The following RASAL2 variants were observed in gnomAD, a reference collection of about 807,000 sequenced individuals.
RASAL2 encodes the protein ras GTPase-activating protein nGAP.
RASAL2 carries 58 observed loss-of-function variants against 128.9 expected under a neutral mutation model. The observed-to-expected ratio is 0.45, with a 90% CI of 0.36 to 0.56. The LOEUF (loss-of-function observed/expected upper bound fraction) is 0.56, where lower values mean the gene tolerates loss of function less well. Among genes scored for constraint, RASAL2 ranks in the 20% least tolerant of loss-of-function variants. RASAL2 has a pLI of 0.00. For missense variants in RASAL2, 1,360 were observed against 1,601.6 expected, an observed-to-expected ratio of 0.85 and a Z score of 2.57; for synonymous variants, 561 against 580.8, an observed-to-expected ratio of 0.97 and a Z score of 0.49.
At chr1:178,386,688 T>C (rs1672592297) in intron 3 of RASAL2, among the ~76,000 whole-genome samples, 1 of 152,228 alleles carries the variant, frequency 6.6e-6, no homozygotes, top group Non-Finnish European at 1.5e-5. Flanking sequence ...TCTGAAACAA[T>C]ACTGTATCTC....
At chr1:178,122,837 CA>C (rs578112716) in intron 1 of RASAL2, among the ~76,000 whole-genome samples, 356 of 24,730 alleles carry the variant, frequency 0.014, 4 homozygotes, top group African/African-American at 0.048. Flanking sequence ...ACTTACTTTC[CA>C]TTTTTTTTTT....
intron 1 of RASAL2, among the ~76,000 whole-genome samples, chr1:178,120,196 T>A (rs1659663932): frequency 6.6e-6 from 1 of 152,248 alleles, no homozygotes; most frequent in South Asian, 2.1e-4. Flanking sequence ...CATCAAATAT[T>A]GTACAAAGTG....
chr1:178,329,308 T>A (rs1286168156), intron 3 of RASAL2, among the ~76,000 whole-genome samples: 2 of 152,166 alleles, frequency 1.3e-5, no homozygotes, highest in East Asian at 3.8e-4. Flanking sequence ...TAAGGAACAT[T>A]TGGTGAAGAT....
chr1:178,164,440 T>G (rs1013972703), intron 1 of RASAL2, among the ~76,000 whole-genome samples: 1 of 152,064 alleles, frequency 6.6e-6, no homozygotes, highest in African/African-American at 2.4e-5. Context: ...ATGTATTTAA[T>G]TTTTAAGCAT....
In RASAL2 at chr1:178,164,619, A is replaced by AT; in HGVS notation, c.202+69932dup. On this transcript the variant is annotated intron_variant, in intron 1 of 17. Coordinates refer to ENST00000367649, the MANE Select transcript of RASAL2 (RefSeq NM_170692.4). ...TGTCATTTTCTTCTGTGCATACAGGATTTTTTTCTCTGTTTTAAAGAAGGC... is the reference window on the plus strand; with the variant it reads ...TGTCATTTTCTTCTGTGCATACAGGATTTTTTTTCTCTGTTTTAAAGAAGGC... Among the ~76,000 whole-genome samples the AT allele has an allele frequency of 2.6e-5, 4 of 151,560 alleles. 1 individual carries two copies. In the Middle Eastern group the frequency reaches 0.01, roughly 387 times the overall value.
chr1:178,408,612 G>GTTTTTTTTTTTTTTTTTTTTTTTTTCT (rs756656921), intron 4 of RASAL2, among the ~76,000 whole-genome samples: 1 of 142,484 alleles, frequency 7.0e-6, no homozygotes, highest in African/African-American at 2.9e-5. Context: ...GTTTTTTTTT[G>GTTTTTTTTTTTTTTTTTTTTTTTTTCT]TTTTTTGTTT....
intron 1 of RASAL2, among the ~76,000 whole-genome samples, chr1:178,141,940 G>A (rs936894524): frequency 1.3e-5 from 2 of 152,052 alleles, no homozygotes; most frequent in African/African-American, 4.8e-5. Context: ...CAATATTTCC[G>A]GGAAGCTGCA....
intron 1 of RASAL2, among the ~76,000 whole-genome samples, chr1:178,180,411 A>G (rs866780370): frequency 7.4e-5 from 11 of 149,112 alleles, no homozygotes; most frequent in Non-Finnish European, 1.3e-4. Flanking sequence ...TGAGACGCCA[A>G]GGCAGGTGGA....
intron 1 of RASAL2, among the ~76,000 whole-genome samples, chr1:178,163,155 A>T (rs1377614704): frequency 1.3e-5 from 2 of 151,382 alleles, no homozygotes; most frequent in East Asian, 3.9e-4. Flanking sequence ...TTTAGTAGAG[A>T]TGGGGTTTCA....
intron 1 of RASAL2, among the ~76,000 whole-genome samples, chr1:178,186,343 G>C (rs1477110366): frequency 6.6e-6 from 1 of 150,558 alleles, no homozygotes; most frequent in Non-Finnish European, 1.5e-5. Context: ...GGTTTTGTTT[G>C]TTTTTCTCTG....
intron 1 of RASAL2, among the ~76,000 whole-genome samples, chr1:178,146,786 G>A (rs561745984): frequency 2.2e-4 from 34 of 152,190 alleles, no homozygotes; most frequent in Non-Finnish European, 4.4e-4. Context: ...TAAGATTGCT[G>A]TGCCATACCA....
chr1:178,221,903 A>T (rs1483881991), intron 1 of RASAL2, among the ~76,000 whole-genome samples: 1 of 152,174 alleles, frequency 6.6e-6, no homozygotes, highest in Non-Finnish European at 1.5e-5. Context: ...TCTCGTTGGC[A>T]TCTCTTAATT....
chr1:178,118,458 G>T (rs183827552), intron 1 of RASAL2, among the ~76,000 whole-genome samples: 11 of 152,296 alleles, frequency 7.2e-5, no homozygotes, highest in African/African-American at 2.4e-4. Flanking sequence ...ATGGGAGACA[G>T]TGACACACAA....
intron 1 of RASAL2, among the ~76,000 whole-genome samples, chr1:178,273,884 T>C (rs1666373717): frequency 6.6e-6 from 1 of 152,198 alleles, no homozygotes; most frequent in African/African-American, 2.4e-5. Flanking sequence ...GAAAGGTTTT[T>C]CACTGCTGAT....
chr1:178,296,793 C>T (rs1360263830), intron 2 of RASAL2, among the ~76,000 whole-genome samples: 2 of 151,864 alleles, frequency 1.3e-5, no homozygotes, highest in East Asian at 1.9e-4. Context: ...CTGCCTCAGC[C>T]TCCCAAGTAG....
At chr1:178,443,530 C>G (rs1676809396) in intron 8 of RASAL2, among the ~76,000 whole-genome samples, 1 of 152,154 alleles carries the variant, frequency 6.6e-6, no homozygotes, top group Non-Finnish European at 1.5e-5. Context: ...ACAGCATGTT[C>G]AAGGTTCCTT....
At chr1:178,167,421 AAAT>A (rs1281061029) in intron 1 of RASAL2, among the ~76,000 whole-genome samples, 1 of 152,126 alleles carries the variant, frequency 6.6e-6, no homozygotes, top group African/African-American at 2.4e-5. Context: ...TAATGAATCA[AAAT>A]AATAAAATTT....
At chr1:178,267,892 G>C (rs1014896907) in intron 1 of RASAL2, among the ~76,000 whole-genome samples, 3 of 151,758 alleles carry the variant, frequency 2.0e-5, no homozygotes, top group African/African-American at 7.3e-5. Flanking sequence ...AGTTTCTTTT[G>C]CTGTCATTCT....
At chr1:178,450,191 C>A (rs1339566943) in intron 9 of RASAL2, among the ~76,000 whole-genome samples, 1 of 152,046 alleles carries the variant, frequency 6.6e-6, no homozygotes, top group Non-Finnish European at 1.5e-5. Flanking sequence ...AATTAAAATA[C>A]TTTTTGTATG....
Sources: gnomAD v4.1 joint callset for allele counts (sites outside exome capture counted in the v4.1 genomes callset) on GRCh38, gnomAD v4.1.1 for gene constraint, MANE v1.5 for transcripts, NCBI Gene and HGNC (gene_info 2026-07-23, HGNC 2026-07-21) for gene names.